The following PABPC4L variants were observed in gnomAD, a reference collection of about 807,000 sequenced individuals.
The protein encoded by PABPC4L is polyadenylate-binding protein 4-like.
For missense variants in PABPC4L, 452 were observed against 451.4 expected, an observed-to-expected ratio of 1.00 and a Z score of -0.01; for synonymous variants, 169 against 164.1, an observed-to-expected ratio of 1.03 and a Z score of -0.23.
the PABPC4L span, among the ~76,000 whole-genome samples, chr4:133,990,407 C>A: frequency 6.6e-6 from 1 of 152,152 alleles, no homozygotes; most frequent in Non-Finnish European, 1.5e-5. Flanking sequence ...AGACTGTCAA[C>A]TTAATTGACA....
the PABPC4L span, among the ~76,000 whole-genome samples, chr4:134,046,170 T>C: frequency 8.5e-5 from 13 of 152,088 alleles, no homozygotes; most frequent in African/African-American, 3.1e-4. Context: ...ATTTATTGAT[T>C]ACTATTTTCA....
At chr4:134,179,684 T>G in the PABPC4L span, among the ~76,000 whole-genome samples, 571 of 151,854 alleles carry the variant, frequency 3.8e-3, 2 homozygotes, top group African/African-American at 0.013. Context: ...AGTAAAGGGA[T>G]AGAAAAAAAT....
At chr4:134,099,630 G>A in the PABPC4L span, among the ~76,000 whole-genome samples, 8 of 151,616 alleles carry the variant, frequency 5.3e-5, no homozygotes, top group Non-Finnish European at 1.5e-5. Context: ...ACAAAATGGG[G>A]ATTTCAATTT....
chr4:134,140,738 G>T, the PABPC4L span, among the ~76,000 whole-genome samples: 12 of 151,744 alleles, frequency 7.9e-5, no homozygotes, highest in African/African-American at 2.9e-4. Context: ...GCTCCTATTT[G>T]TAAAGATATG....
At chr4:134,079,607 A>C in the PABPC4L span, among the ~76,000 whole-genome samples, 2 of 108,438 alleles carry the variant, frequency 1.8e-5, no homozygotes, top group South Asian at 3.0e-4. Flanking sequence ...AAAAAAAAAA[A>C]AAAACTGTGC....
At chr4:134,015,789 T>G in the PABPC4L span, among the ~76,000 whole-genome samples, 124,362 of 152,030 alleles carry the variant, frequency 0.82, 51,411 homozygotes, top group East Asian at 1. Flanking sequence ...CTTACTGTTT[T>G]GCCTAGCCCT....
At chr4:134,112,051 T>C in the PABPC4L span, among the ~76,000 whole-genome samples, 1 of 152,034 alleles carries the variant, frequency 6.6e-6, no homozygotes, top group South Asian at 2.1e-4. Context: ...TGTTATTCTA[T>C]ATAAAATAAT....
chr4:134,076,021 A>T, the PABPC4L span, among the ~76,000 whole-genome samples: 1 of 152,156 alleles, frequency 6.6e-6, no homozygotes, highest in African/African-American at 2.4e-5. Context: ...ACTGGAAAAA[A>T]AAAAAGAGAA....
chr4:133,993,690 G>A, the PABPC4L span, among the ~76,000 whole-genome samples: 1 of 152,156 alleles, frequency 6.6e-6, no homozygotes, highest in Non-Finnish European at 1.5e-5. Flanking sequence ...AACTGAAAAG[G>A]TTTAGTTAAG....
the PABPC4L span, among the ~76,000 whole-genome samples, chr4:133,955,706 A>G: frequency 6.6e-6 from 1 of 152,336 alleles, no homozygotes; most frequent in East Asian, 1.9e-4. Context: ...ATGGCTCATC[A>G]AAAGAATTTC....
the PABPC4L span, among the ~76,000 whole-genome samples, chr4:134,075,848 G>C: frequency 6.6e-6 from 1 of 152,060 alleles, no homozygotes; most frequent in African/African-American, 2.4e-5. Context: ...CCTGGACCAT[G>C]CCTCTGCAAG....
chr4:134,023,384 G>A, the PABPC4L span, among the ~76,000 whole-genome samples: 2 of 152,078 alleles, frequency 1.3e-5, no homozygotes, highest in African/African-American at 4.8e-5. Context: ...CAGCTTCCTG[G>A]TGCTTCCTAC....
chr4:134,011,024 A>G, the PABPC4L span, among the ~76,000 whole-genome samples: 1 of 152,160 alleles, frequency 6.6e-6, no homozygotes, highest in South Asian at 2.1e-4. Context: ...TAAAATTGTG[A>G]AAATAAAGCT....
chr4:134,093,590 G>A, the PABPC4L span, among the ~76,000 whole-genome samples: 1 of 96,360 alleles, frequency 1.0e-5, no homozygotes, highest in Non-Finnish European at 2.2e-5. Context: ...TTTTCTTTTT[G>A]AGACCAAGTC....
chr4:134,068,759 A>AGTGCAGTG, the PABPC4L span, among the ~76,000 whole-genome samples: 2 of 150,100 alleles, frequency 1.3e-5, no homozygotes, highest in Admixed American at 6.7e-5. Flanking sequence ...CCCAGGCTGG[A>AGTGCAGTG]GTGCAGTGGT....
chr4:134,185,029 T>C, the PABPC4L span, among the ~76,000 whole-genome samples: 1 of 152,098 alleles, frequency 6.6e-6, no homozygotes, highest in Non-Finnish European at 1.5e-5. Context: ...CACTTGCTTA[T>C]TGTTGAGTTT....
At chr4:134,005,057 C>T in the PABPC4L span, among the ~76,000 whole-genome samples, 1 of 151,624 alleles carries the variant, frequency 6.6e-6, no homozygotes, top group Admixed American at 6.6e-5. Flanking sequence ...AGCATGGTGA[C>T]TATAATAATG....
At chr4:134,082,355 G>A in the PABPC4L span, among the ~76,000 whole-genome samples, 1 of 151,952 alleles carries the variant, frequency 6.6e-6, no homozygotes, top group Non-Finnish European at 1.5e-5. Context: ...TATAAAGATG[G>A]GAGTCAGACA....
the PABPC4L span, among the ~76,000 whole-genome samples, chr4:133,984,217 G>A: frequency 6.6e-6 from 1 of 151,828 alleles, no homozygotes; most frequent in East Asian, 1.9e-4. Context: ...TTCTAAAGAT[G>A]TGTTAAATTA....
Sources: allele counts gnomAD v4.1 joint callset (sites outside exome capture counted in the v4.1 genomes callset), GRCh38; gene constraint gnomAD v4.1.1; transcripts MANE v1.5; gene names NCBI Gene and HGNC (gene_info 2026-07-23, HGNC 2026-07-21).